The following EGLN1 variants were observed in gnomAD, a reference collection of about 807,000 sequenced individuals.
The protein encoded by EGLN1 is egl-9 family hypoxia inducible factor 1.
A neutral mutation model predicts 38.3 loss-of-function variants in EGLN1; 17 were observed. The observed-to-expected ratio is 0.44, with a 90% CI of 0.30 to 0.67. EGLN1 has a LOEUF of 0.67. EGLN1 is among the 30% of genes least tolerant of loss of function. The pLI, the probability that EGLN1 is intolerant of heterozygous loss-of-function variation, is 0.08. For synonymous variants in EGLN1, 283 were observed against 257.5 expected (o/e 1.10, Z -0.95); for missense variants, 477 against 603.3 (o/e 0.79, Z 2.19).
At chr1:231,382,551 T>C (rs1010705410) in intron 1 of EGLN1, among the ~76,000 whole-genome samples, 1 of 152,224 alleles carries the variant, frequency 6.6e-6, no homozygotes, top group African/African-American at 2.4e-5. Context: ...GTGTTATGGC[T>C]ACACACTGTA....
At chr1:231,374,224 T>C in intron 1 of EGLN1, 125 bp from the exon 2 acceptor site, 1 of 855,814 alleles carries the variant, frequency 1.2e-6, no homozygotes, top group East Asian at 2.7e-5. Flanking sequence ...AAAAATAATA[T>C]TTTGTAGATA....
intron 1 of EGLN1, among the ~76,000 whole-genome samples, chr1:231,400,873 A>T (rs1389635618): frequency 6.6e-6 from 1 of 151,920 alleles, no homozygotes; most frequent in Non-Finnish European, 1.5e-5. Flanking sequence ...AACATGGTGA[A>T]ACCCCATCTC....
chr1:231,391,378 G>A (rs917981069), intron 1 of EGLN1, among the ~76,000 whole-genome samples: 2 of 152,088 alleles, frequency 1.3e-5, no homozygotes, highest in African/African-American at 2.4e-5. Flanking sequence ...TTTTAAAAGT[G>A]GAAAAGATCA....
intron 1 of EGLN1, among the ~76,000 whole-genome samples, chr1:231,399,006 T>C (rs1688600645): frequency 6.6e-6 from 1 of 152,216 alleles, no homozygotes; most frequent in Non-Finnish European, 1.5e-5. Flanking sequence ...TGATATTAAG[T>C]GTGAAAACTC....
intron 1 of EGLN1, among the ~76,000 whole-genome samples, chr1:231,416,050 T>C (rs1689071129): frequency 6.6e-6 from 1 of 152,148 alleles, no homozygotes; most frequent in Non-Finnish European, 1.5e-5. Context: ...GGTTTCACCA[T>C]GTTGGTTGGC....
In EGLN1 at chr1:231,370,591, A is replaced by G. The variant is rs756264599; in HGVS notation, c.1119T>C (p.Pro373=). The G allele has an allele frequency of 6.2e-7, 1 of 1,614,048 alleles. No individual in the cohort carries two copies. Among genetic ancestry groups the G allele is most frequent in the Non-Finnish European group, 8.5e-7 (1 of 1,180,024 alleles). ...TAGCATATGCTGGTTGTACTTCATG[A>G]GGGTTGCGACGGTCAGACCAGAAAA... ...LLFFWSDRRN[P]HEVQPAYATR... The change falls in exon 3 of 5, where the codon CCT becomes CCC. Residue 373 remains proline, a synonymous_variant. Transcript: ENST00000366641.
At chr1:231,374,521 AT>A (rs57402041) in intron 1 of EGLN1, among the ~76,000 whole-genome samples, 61 of 146,760 alleles carry the variant, frequency 4.2e-4, no homozygotes, top group Non-Finnish European at 4.8e-4. Flanking sequence ...AATGGTACCA[AT>A]TTTTTTTTTT....
At chr1:231,419,972 T>C (rs1656513212) in intron 1 of EGLN1, among the ~76,000 whole-genome samples, 1 of 151,894 alleles carries the variant, frequency 6.6e-6, no homozygotes, top group Admixed American at 6.6e-5. Flanking sequence ...AGACTGATGG[T>C]GGAGGAGGGT....
chr1:231,383,057 C>CAAAAAAAAA (rs547747077), intron 1 of EGLN1, among the ~76,000 whole-genome samples: 10 of 70,552 alleles, frequency 1.4e-4, no homozygotes, highest in African/African-American at 5.0e-4. Flanking sequence ...AACTCTGTCT[C>CAAAAAAAAA]AAAAAAAAAA....
intron 3 of EGLN1, among the ~76,000 whole-genome samples, chr1:231,370,308 A>G (rs995407514): frequency 3.9e-5 from 6 of 152,238 alleles, no homozygotes; most frequent in Admixed American, 2.0e-4. Context: ...AAAGATGGGA[A>G]GGCCTGTGCT....
intron 1 of EGLN1, among the ~76,000 whole-genome samples, chr1:231,395,267 C>G (rs1688491891): frequency 6.6e-6 from 1 of 152,214 alleles, no homozygotes; most frequent in Non-Finnish European, 1.5e-5. Context: ...TTTGGCTCCA[C>G]AGACAAGTTT....
chr1:231,406,329 TAAAG>T (rs1180381551), intron 1 of EGLN1, among the ~76,000 whole-genome samples: 1 of 152,102 alleles, frequency 6.6e-6, no homozygotes, highest in Non-Finnish European at 1.5e-5. Flanking sequence ...TTATTAGTGA[TAAAG>T]ACTCTCAGTC....
chr1:231,388,657 T>C lies in EGLN1; in HGVS notation c.892-14558A>G, dbSNP rs561876279. 4.6e-5 allele frequency among the ~76,000 whole-genome samples: 7 copies of C among 151,528 alleles called. No individual in the cohort carries two copies. The South Asian group carries it at 1.5e-3, about 32-fold the overall frequency. On this transcript the variant is annotated intron_variant, in intron 1 of 4. Transcript: ENST00000366641. ...TACCTAATTTTTTGGTTTTTTGTTG[T>C]TGTTGTTGTTGTTTTGAGACGGCGT... is the stretch of plus-strand genomic sequence containing the variant.
intron 1 of EGLN1, among the ~76,000 whole-genome samples, chr1:231,400,222 C>T (rs1428017694): frequency 6.6e-6 from 1 of 152,078 alleles, no homozygotes; most frequent in African/African-American, 2.4e-5. Context: ...ATGCCCTACA[C>T]AAGAATTCTC....
chr1:231,409,582 A>C (rs1688882227), intron 1 of EGLN1, among the ~76,000 whole-genome samples: 1 of 152,204 alleles, frequency 6.6e-6, no homozygotes, highest in Non-Finnish European at 1.5e-5. Flanking sequence ...CAACAAGAGG[A>C]AACTTCAGTC....
At chr1:231,382,693 T>A (rs1688103482) in intron 1 of EGLN1, among the ~76,000 whole-genome samples, 1 of 152,208 alleles carries the variant, frequency 6.6e-6, no homozygotes, top group Non-Finnish European at 1.5e-5. Flanking sequence ...TTCTGTTATT[T>A]GATTCCAATT....
intron 1 of EGLN1, among the ~76,000 whole-genome samples, chr1:231,393,816 CAATT>C (rs1688451734): frequency 6.6e-6 from 1 of 152,170 alleles, no homozygotes; most frequent in African/African-American, 2.4e-5. Context: ...AATTTATCAT[CAATT>C]ATTAACTATG....
At chr1:231,403,322 A>T (rs1252999170) in intron 1 of EGLN1, among the ~76,000 whole-genome samples, 2 of 152,220 alleles carry the variant, frequency 1.3e-5, no homozygotes, top group Admixed American at 6.5e-5. Context: ...CTGAGAAAGA[A>T]GTATTGAAAT....
chr1:231,368,637 C>G (rs927805705), intron 3 of EGLN1, among the ~76,000 whole-genome samples: 2 of 152,182 alleles, frequency 1.3e-5, no homozygotes, highest in African/African-American at 4.8e-5. Flanking sequence ...AGTTCCTGGG[C>G]AGAATATAGC....
Sources: allele counts gnomAD v4.1 joint callset (sites outside exome capture counted in the v4.1 genomes callset), GRCh38; gene constraint gnomAD v4.1.1; transcripts MANE v1.5; gene names NCBI Gene and HGNC (gene_info 2026-07-23, HGNC 2026-07-21).